The following TAFA2 variants were observed in gnomAD, a reference collection of about 807,000 sequenced individuals.
The protein encoded by TAFA2 is chemokine-like protein TAFA-2.
A neutral mutation model predicts 18.8 loss-of-function variants in TAFA2; 7 were observed. That is an observed-to-expected ratio of 0.37 (90% CI 0.21 to 0.70). The LOEUF (loss-of-function observed/expected upper bound fraction) is 0.70, where lower values mean the gene tolerates loss of function less well. Ranked by LOEUF, TAFA2 falls within the 30% of genes least tolerant of loss-of-function variation. TAFA2 has a pLI of 0.53. For missense variants in TAFA2, 122 were observed against 158.1 expected (o/e 0.77, Z 1.23); for synonymous variants, 60 against 54.2 (o/e 1.11, Z -0.47).
intron 1 of TAFA2, among the ~76,000 whole-genome samples, chr12:62,076,064 T>C (rs1349315184): frequency 6.6e-6 from 1 of 152,196 alleles, no homozygotes; most frequent in Admixed American, 6.5e-5. Flanking sequence ...TCATACTTCC[T>C]CTTTGTGACA....
In TAFA2 at chr12:61,995,522, A is replaced by T. The variant is rs147369064; in HGVS notation, c.-1-128096T>A. 7.6e-3 allele frequency among the ~76,000 whole-genome samples: 1,160 copies of T among 152,260 alleles called. 7 individuals are homozygous for T. Among genetic ancestry groups the T allele is most frequent in the Non-Finnish European group, 0.012 (786 of 68,024 alleles). On this transcript the variant is annotated intron_variant, in intron 1 of 4. Transcript: ENST00000416284. ...ATTTGTTTCGTCTGTCTTCTCTATTAGAATACAGCCTGGGACCAGGTCGAC... is the reference window on the plus strand; with the variant it reads ...ATTTGTTTCGTCTGTCTTCTCTATTTGAATACAGCCTGGGACCAGGTCGAC...
intron 1 of TAFA2, among the ~76,000 whole-genome samples, chr12:62,166,307 C>A (rs1412732992): frequency 6.6e-6 from 1 of 152,146 alleles, no homozygotes; most frequent in Non-Finnish European, 1.5e-5. Context: ...AGTTTATACA[C>A]TGCTGGTGTT....
At chr12:62,075,428 T>C (rs1882736452) in intron 1 of TAFA2, among the ~76,000 whole-genome samples, 1 of 152,156 alleles carries the variant, frequency 6.6e-6, no homozygotes, top group South Asian at 2.1e-4. Context: ...CAATGGAATA[T>C]GGAAGGAGGC....
intron 1 of TAFA2, among the ~76,000 whole-genome samples, chr12:62,232,819 C>T (rs1284839389): frequency 1.3e-5 from 2 of 151,956 alleles, no homozygotes; most frequent in African/African-American, 2.4e-5. Flanking sequence ...GCTGAGTCCA[C>T]GTCTTATCCA....
chr12:62,016,998 A>G (rs756818851), intron 1 of TAFA2, among the ~76,000 whole-genome samples: 30 of 152,214 alleles, frequency 2.0e-4, no homozygotes, highest in Non-Finnish European at 4.0e-4. Context: ...TTTTAGCTGT[A>G]TGATCTTAAT....
chr12:61,784,702 C>A (rs1234906061), intron 2 of TAFA2, among the ~76,000 whole-genome samples: 30 of 147,918 alleles, frequency 2.0e-4, no homozygotes, highest in African/African-American at 1.5e-4. Context: ...TCCCATTTTT[C>A]AAAAAAAAAA....
At chr12:61,756,177 C>T (rs969060290) in intron 2 of TAFA2, among the ~76,000 whole-genome samples, 1 of 152,052 alleles carries the variant, frequency 6.6e-6, no homozygotes, top group African/African-American at 2.4e-5. Context: ...GCAAATCACA[C>T]ATATTTCCTA....
intron 1 of TAFA2, chr12:61,880,060 G>T: frequency 1.5e-6 from 1 of 671,494 alleles, no homozygotes; most frequent in South Asian, 1.6e-5. Flanking sequence ...CTGTGGTGCT[G>T]TCCATAGACA....
rs1351460959 is a variant in TAFA2 at position 62,217,288 on chromosome 12, T to C, written c.-130+41475A>G. The stretch of plus-strand genomic sequence containing the variant: ...AAGCATCAGTAATAGGAAAAGATAA[T>C]ATGTGGAGTTTATGGCAAGGCCCTA... On this transcript the variant is annotated intron_variant, in intron 1 of 5. Transcript: ENST00000551619. 2.0e-5 allele frequency among the ~76,000 whole-genome samples: 3 copies of C among 152,248 alleles called. No homozygotes were observed. The East Asian group carries it at 5.8e-4, about 29-fold the overall frequency.
At chr12:62,148,975 A>G (rs1199997043) in intron 1 of TAFA2, among the ~76,000 whole-genome samples, 5 of 152,184 alleles carry the variant, frequency 3.3e-5, no homozygotes, top group Admixed American at 2.6e-4. Flanking sequence ...ATTACCTAGC[A>G]TTATAATCTT....
At chr12:61,789,104 C>T (rs892528067) in intron 2 of TAFA2, among the ~76,000 whole-genome samples, 4 of 151,890 alleles carry the variant, frequency 2.6e-5, no homozygotes, top group African/African-American at 9.7e-5. Context: ...CCTGTTCACT[C>T]TGATGATAGT....
intron 1 of TAFA2, among the ~76,000 whole-genome samples, chr12:62,092,930 T>C (rs539159451): frequency 6.6e-6 from 1 of 152,144 alleles, no homozygotes; most frequent in African/African-American, 2.4e-5. Flanking sequence ...ATTAAGTGAA[T>C]ACTCGGCACT....
At chr12:61,935,883 T>C (rs894084223) in intron 1 of TAFA2, among the ~76,000 whole-genome samples, 4 of 151,498 alleles carry the variant, frequency 2.6e-5, no homozygotes, top group Non-Finnish European at 5.9e-5. Context: ...AACAAAAAGA[T>C]CTCTGGACCA....
intron 2 of TAFA2, among the ~76,000 whole-genome samples, chr12:61,810,508 A>G (rs1004320624): frequency 4.6e-5 from 7 of 151,512 alleles, no homozygotes; most frequent in East Asian, 1.9e-4. Context: ...AATGATTTCT[A>G]TTACTTAAAG....
intron 1 of TAFA2, among the ~76,000 whole-genome samples, chr12:62,034,302 C>T (rs1433716660): frequency 6.6e-6 from 1 of 152,028 alleles, no homozygotes; most frequent in Admixed American, 6.6e-5. Flanking sequence ...GGTCAGGTAC[C>T]GCCTGGCAGA....
intron 1 of TAFA2, among the ~76,000 whole-genome samples, chr12:61,969,609 A>C (rs991023023): frequency 6.6e-6 from 1 of 151,764 alleles, no homozygotes; most frequent in East Asian, 1.9e-4. Context: ...TAAAAAAATA[A>C]ATGACAACAT....
intron 1 of TAFA2, among the ~76,000 whole-genome samples, chr12:61,974,759 T>C (rs1270977905): frequency 6.6e-6 from 1 of 151,900 alleles, no homozygotes; most frequent in East Asian, 1.9e-4. Context: ...TCAATCAGTT[T>C]CCTTTGGTAG....
intron 1 of TAFA2, among the ~76,000 whole-genome samples, chr12:62,028,570 T>C (rs539358504): frequency 3.4e-4 from 52 of 152,306 alleles, no homozygotes; most frequent in Admixed American, 2.9e-3. Flanking sequence ...AAGAAAAGCA[T>C]TGTGAGAGTC....
At chr12:62,190,363 T>A (rs1163256358) in intron 1 of TAFA2, among the ~76,000 whole-genome samples, 1 of 152,090 alleles carries the variant, frequency 6.6e-6, no homozygotes, top group African/African-American at 2.4e-5. Context: ...GTTCCCCCAT[T>A]GATAAGTGAA....
Sources: allele counts gnomAD v4.1 joint callset (sites outside exome capture counted in the v4.1 genomes callset), GRCh38; gene constraint gnomAD v4.1.1; transcripts MANE v1.5; gene names NCBI Gene and HGNC (gene_info 2026-07-23, HGNC 2026-07-21).